The following ZDHHC20 variants were observed in gnomAD, a reference collection of about 807,000 sequenced individuals.
ZDHHC20 encodes the protein palmitoyltransferase ZDHHC20.
In ZDHHC20, 43 loss-of-function variants were observed where a neutral mutation model predicts 57.8. The observed-to-expected ratio is 0.74, with a 90% confidence interval of 0.58 to 0.96. ZDHHC20 has a LOEUF of 0.96. Ranked by LOEUF, ZDHHC20 falls within the 40% of genes least tolerant of loss-of-function variation. The probability of loss-of-function intolerance (pLI) is 0.00; values close to 1 mark genes in which losing one functional copy is unlikely to be tolerated. For synonymous variants in ZDHHC20, 157 were observed against 153.0 expected (o/e 1.03, Z -0.19); for missense variants, 391 against 441.1 (o/e 0.89, Z 1.02).
At chr13:21,401,530 T>C in intron 6 of ZDHHC20, 123 bp downstream of exon 6, 2 of 796,286 alleles carry the variant, frequency 2.5e-6, no homozygotes, top group South Asian at 1.8e-5. Context: ...TCTATGCATA[T>C]ATGTAAAGAG....
chr13:21,424,365 C>T (rs1019208391), intron 2 of ZDHHC20, among the ~76,000 whole-genome samples: 2 of 151,986 alleles, frequency 1.3e-5, no homozygotes, highest in African/African-American at 4.8e-5. Flanking sequence ...CAAAAATCAC[C>T]CGTAACTGAA....
At chr13:21,401,793 T>A in intron 5 of ZDHHC20, 108 bp from the exon 6 acceptor site, 1 of 973,402 alleles carries the variant, frequency 1.0e-6, no homozygotes, top group Non-Finnish European at 1.5e-6. Context: ...AACTACATCT[T>A]AAGAGAATCA....
At chr13:21,406,964 T>C (rs917026841) in intron 4 of ZDHHC20, among the ~76,000 whole-genome samples, 1 of 152,148 alleles carries the variant, frequency 6.6e-6, no homozygotes, top group Non-Finnish European at 1.5e-5. Context: ...CGCGCTGTCT[T>C]CCACAATCGT....
chr13:21,373,965 A>G lies in ZDHHC20; in HGVS notation c.*2731T>C, dbSNP rs1354021173. 1 of 152,334 alleles carries G rather than the reference A, an allele frequency of 6.6e-6. No homozygotes were observed. The highest frequency in any genetic ancestry group is 2.4e-5 in the African/African-American group (1 of 41,474). 9.4% of individuals were successfully genotyped at this position (152,334 alleles called of 1,614,324 possible). Reference sequence around the variant, plus strand: ...GCTTTAACTGAAAATTTCTGAAAAGATGTTTGCTGTGCTATTAAAGATGTT... The same window carrying G: ...GCTTTAACTGAAAATTTCTGAAAAGGTGTTTGCTGTGCTATTAAAGATGTT... On this transcript the variant is annotated 3_prime_UTR_variant, in exon 13 of 13. Transcript: ENST00000400590.
At chr13:21,411,111 G>T (rs1434586337) in intron 4 of ZDHHC20, among the ~76,000 whole-genome samples, 1 of 152,182 alleles carries the variant, frequency 6.6e-6, no homozygotes, top group Non-Finnish European at 1.5e-5. Context: ...TTGGCTAGGG[G>T]AGGGAGTTCC....
In ZDHHC20 at chr13:21,375,346, G is replaced by T. The variant is rs547887869; in HGVS notation, c.*1350C>A. The T allele has an allele frequency of 5.2e-4, 191 of 366,056 alleles. No individual in the cohort carries two copies. Among genetic ancestry groups the T allele is most frequent in the African/African-American group, 3.0e-3 (140 of 46,808 alleles). The allele number at this position is 366,056 out of a possible 1,614,324, so 22.7% of individuals were successfully genotyped here. On this transcript the variant is annotated 3_prime_UTR_variant, in exon 13 of 13. Transcript: ENST00000400590. ...CTGGAAGCAATCAATTATTTTGGGG[G>T]GGGTGTGTGTGTGTGTGTGTCTGTC...
intron 12 of ZDHHC20, chr13:21,377,268 G>T (rs1400470121): frequency 8.6e-6 from 1 of 116,618 alleles, no homozygotes; most frequent in South Asian, 2.1e-4. Flanking sequence ...TAGTGCCTGC[G>T]ATCTGACTCT....
At chr13:21,455,597 C>A (rs1403558379) in intron 1 of ZDHHC20, among the ~76,000 whole-genome samples, 4 of 151,592 alleles carry the variant, frequency 2.6e-5, no homozygotes, top group Non-Finnish European at 5.9e-5. Context: ...TTACCCTCTT[C>A]CTCAATTTTG....
intron 1 of ZDHHC20, among the ~76,000 whole-genome samples, chr13:21,452,823 A>T (rs937297611): frequency 1.3e-5 from 2 of 152,186 alleles, no homozygotes; most frequent in Non-Finnish European, 2.9e-5. Context: ...ATTACTAGTA[A>T]TATGCCAATA....
intron 1 of ZDHHC20, among the ~76,000 whole-genome samples, chr13:21,431,089 C>T (rs542759324): frequency 6.6e-6 from 1 of 152,228 alleles, no homozygotes; most frequent in South Asian, 2.1e-4. Flanking sequence ...CGTGTATTCA[C>T]CAAGCCTTTG....
intron 1 of ZDHHC20, among the ~76,000 whole-genome samples, chr13:21,431,483 T>TAGTA (rs1555263471): frequency 2.0e-5 from 3 of 151,364 alleles, no homozygotes; most frequent in Admixed American, 6.6e-5. Flanking sequence ...TTTCATTACT[T>TAGTA]AATATCTAAA....
chr13:21,392,489 T>TC lies in ZDHHC20; in HGVS notation c.595-636dup, dbSNP rs1309576562. On this transcript the variant is annotated intron_variant, in intron 7 of 12. Coordinates refer to ENST00000400590, the MANE Select transcript of ZDHHC20 (RefSeq NM_001330059.2). ...TCAGCTGCTTCAATTCCTACTTTTT[T>TC]CATCTGTATGTCTACAGAGCCTTTG... 3.3e-5 allele frequency among the ~76,000 whole-genome samples: 5 copies of TC among 152,358 alleles called. No homozygotes were observed. In the East Asian group the frequency reaches 9.6e-4, roughly 29 times the overall value.
At chr13:21,419,241 T>C (rs953630627) in intron 3 of ZDHHC20, among the ~76,000 whole-genome samples, 3 of 152,148 alleles carry the variant, frequency 2.0e-5, no homozygotes, top group African/African-American at 7.2e-5. Flanking sequence ...ACACTAAAAT[T>C]TGACTTATAG....
At chr13:21,383,483 G>T (rs1873820011) in intron 9 of ZDHHC20, among the ~76,000 whole-genome samples, 1 of 152,128 alleles carries the variant, frequency 6.6e-6, no homozygotes, top group African/African-American at 2.4e-5. Flanking sequence ...CCAGTTTCGG[G>T]TATGTCTTCA....
chr13:21,404,643 A>G (rs1878189834), intron 4 of ZDHHC20, among the ~76,000 whole-genome samples: 1 of 151,842 alleles, frequency 6.6e-6, no homozygotes, highest in Non-Finnish European at 1.5e-5. Flanking sequence ...AGTCCCAGCT[A>G]CTCGGGAGGC....
intron 1 of ZDHHC20, among the ~76,000 whole-genome samples, chr13:21,432,142 G>C (rs1207266904): frequency 6.6e-6 from 1 of 151,920 alleles, no homozygotes; most frequent in East Asian, 1.9e-4. Context: ...TTGAGACAGA[G>C]TCTTGCTCTC....
At chr13:21,448,870 C>T (rs1884144973) in intron 1 of ZDHHC20, among the ~76,000 whole-genome samples, 2 of 90,800 alleles carry the variant, frequency 2.2e-5, no homozygotes, top group Middle Eastern at 4.4e-3. Context: ...TTGTTCTGCA[C>T]TAAGAAAAAT....
intron 6 of ZDHHC20, 126 bp from the exon 7 acceptor site, chr13:21,400,619 A>T: frequency 1.1e-6 from 1 of 929,686 alleles, no homozygotes; most frequent in South Asian, 1.6e-5. Context: ...TAATGCGAAT[A>T]AAATTTCAGT....
chr13:21,417,408 C>CT (rs1880115034), intron 3 of ZDHHC20, among the ~76,000 whole-genome samples: 2 of 152,052 alleles, frequency 1.3e-5, no homozygotes, highest in African/African-American at 4.8e-5. Flanking sequence ...TATAACTTAA[C>CT]TTCCTTAAAG....
Sources: gnomAD v4.1 joint callset for allele counts (sites outside exome capture counted in the v4.1 genomes callset) on GRCh38, gnomAD v4.1.1 for gene constraint, MANE v1.5 for transcripts, NCBI Gene and HGNC (gene_info 2026-07-23, HGNC 2026-07-21) for gene names.